The following EDEM3 variants were observed in gnomAD, a reference collection of about 807,000 sequenced individuals.
EDEM3 encodes ER degradation enhancing alpha-mannosidase like protein 3, also known as ER degradation-enhancing alpha-mannosidase-like protein 3.
In EDEM3, 60 loss-of-function variants were observed where a neutral mutation model predicts 110.2. The observed-to-expected ratio is 0.54, with a 90% CI of 0.44 to 0.67. EDEM3 has a LOEUF of 0.67. EDEM3 is among the 30% of genes least tolerant of loss of function. EDEM3 has a pLI of 0.00. For missense variants in EDEM3, 996 were observed against 1,121.0 expected (o/e 0.89, Z 1.59); for synonymous variants, 352 against 382.9 (o/e 0.92, Z 0.94).
At chr1:184,707,532 G>GA (rs1236659634) in intron 17 of EDEM3, among the ~76,000 whole-genome samples, 13 of 152,116 alleles carry the variant, frequency 8.5e-5, no homozygotes, top group Non-Finnish European at 1.8e-4. Context: ...ATATACATGA[G>GA]AAAAAAGTCT....
In EDEM3 at chr1:184,731,537, T is replaced by G. The variant is rs546070838; in HGVS notation, c.612+1300A>C. ...TTTATAATACTGTACACTACACTACTTCACGGTTCTCCTCTTAAATCTCTG... is the reference window on the plus strand; with the variant it reads ...TTTATAATACTGTACACTACACTACGTCACGGTTCTCCTCTTAAATCTCTG... On this transcript the variant is annotated intron_variant, in intron 6 of 19. Coordinates refer to ENST00000318130, the MANE Select transcript of EDEM3 (RefSeq NM_025191.4). 1.3e-4 allele frequency among the ~76,000 whole-genome samples: 20 copies of G among 152,346 alleles called. No individual in the cohort carries two copies. In the South Asian group the frequency reaches 3.5e-3, roughly 27 times the overall value.
intron 13 of EDEM3, among the ~76,000 whole-genome samples, 197 bp downstream of exon 13, chr1:184,716,691 G>C (rs899079065): frequency 6.6e-6 from 1 of 152,080 alleles, no homozygotes; most frequent in African/African-American, 2.4e-5. Flanking sequence ...CTATATGCCA[G>C]GCACTATGAT....
chr1:184,707,191 A>C (rs1211229534), intron 17 of EDEM3, among the ~76,000 whole-genome samples: 14 of 152,224 alleles, frequency 9.2e-5, no homozygotes, highest in Non-Finnish European at 1.5e-5. Flanking sequence ...AGGCAGATTC[A>C]CTACATTTAC....
At chr1:184,726,430 C>A in intron 6 of EDEM3, 41 bp from the exon 7 acceptor site, 1 of 1,585,142 alleles carries the variant, frequency 6.3e-7, no homozygotes, top group Admixed American at 1.8e-5. Context: ...GTTATCAAGA[C>A]AATGACCTTC....
chr1:184,723,436 AC>A (rs1456637758), intron 8 of EDEM3, among the ~76,000 whole-genome samples: 1 of 152,050 alleles, frequency 6.6e-6, no homozygotes, highest in Non-Finnish European at 1.5e-5. Flanking sequence ...CCATATTCTT[AC>A]TAAACCACAC....
chr1:184,754,737 C>T lies in EDEM3; in HGVS notation c.-91G>A. 1 of 1,419,970 alleles carries T rather than the reference C, an allele frequency of 7.0e-7. No individual in the cohort carries two copies. The highest frequency in any genetic ancestry group is 2.8e-5 in the East Asian group (1 of 35,862). The allele number at this position is 1,419,970 out of a possible 1,614,324, so 88.0% of individuals were successfully genotyped here. A position where few individuals can be genotyped will look rare whatever the true frequency, so the allele number is the denominator to read the frequency against. ...GTGGCCAGGGGGCTGCTAGCCGTGC[C>T]GAGACGGGGCGGGATGCGGAGTAAC... On this transcript the variant is annotated 5_prime_UTR_variant, in exon 1 of 20. Coordinates refer to ENST00000318130, the MANE Select transcript of EDEM3 (RefSeq NM_025191.4).
chr1:184,753,549 A>C (rs1652895708), intron 1 of EDEM3, among the ~76,000 whole-genome samples: 1 of 152,018 alleles, frequency 6.6e-6, no homozygotes, highest in African/African-American at 2.4e-5. Flanking sequence ...TTTAAATTTT[A>C]GTAGATACTA....
At chr1:184,721,106 T>G in intron 9 of EDEM3, 183 bp downstream of exon 9, 1 of 500,490 alleles carries the variant, frequency 2.0e-6, no homozygotes, top group Non-Finnish European at 3.5e-6. Flanking sequence ...CTTTATCAAC[T>G]GATTTTTTGG....
In EDEM3 at chr1:184,693,903, T is replaced by G. The variant is rs1281030029; in HGVS notation, c.*160A>C. 5.7e-6 allele frequency: 4 copies of G among 706,802 alleles called. No homozygotes were observed. Among genetic ancestry groups the G allele is most frequent in the Admixed American group, 2.9e-5 (1 of 33,902 alleles). 43.8% of individuals were successfully genotyped at this position (706,802 alleles called of 1,614,324 possible). On this transcript the variant is annotated 3_prime_UTR_variant, in exon 20 of 20. Transcript: ENST00000318130. ...AAACAAGGTCAATTCTAACACAGCA[T>G]GCTCCAGATTCCTACGATAACTACG...
chr1:184,737,726 T>TA lies in EDEM3; in HGVS notation c.205-16_205-15insT. The TA allele has an allele frequency of 6.2e-7, 1 of 1,609,518 alleles. No homozygotes were observed. Among genetic ancestry groups the TA allele is most frequent in the Non-Finnish European group, 8.5e-7 (1 of 1,176,346 alleles). On this transcript the variant is annotated splice_polypyrimidine_tract_variant and intron_variant, in intron 2 of 19. Transcript: ENST00000318130. ...TAAGCATGTTCCTGCAAGGAAAACT[T>TA]TAGTAAGTTACTAAGGAAAATAAGC...
rs888679036 is a variant in EDEM3, at chr1:184,692,554, G to A, written c.*1509C>T. 3.3e-5 allele frequency: 5 copies of A among 151,970 alleles called. No homozygotes were observed. The highest frequency in any genetic ancestry group is 2.0e-4 in the Admixed American group (3 of 15,222). The allele number at this position is 151,970 out of a possible 1,614,324, so 9.4% of individuals were successfully genotyped here. A position where few individuals can be genotyped will look rare whatever the true frequency, so the allele number is the denominator to read the frequency against. On this transcript the variant is annotated 3_prime_UTR_variant, in exon 20 of 20. Coordinates refer to ENST00000318130, the MANE Select transcript of EDEM3 (RefSeq NM_025191.4). ...TAACAGCTCCACTTACACCTCATCA[G>A]TACCTCACAACCGTGTTTTAGGAAA...
chr1:184,743,132 A>G (rs1043294798), intron 2 of EDEM3, among the ~76,000 whole-genome samples: 3 of 152,248 alleles, frequency 2.0e-5, no homozygotes, highest in Non-Finnish European at 4.4e-5. Flanking sequence ...GTTTCAAACC[A>G]GGTGTAAAAA....
chr1:184,754,525 GC>G lies in EDEM3; in HGVS notation c.121del (p.Ala41ProfsTer4). 1 of 1,613,050 alleles carries G rather than the reference GC, an allele frequency of 6.2e-7. No homozygotes were observed. The highest frequency in any genetic ancestry group is 8.5e-7 in the Non-Finnish European group (1 of 1,179,770). On this transcript the variant is annotated frameshift_variant, in exon 1 of 20. Transcript: ENST00000318130. LOFTEE classifies it high-confidence loss of function. ...VSATSVWTAG[A>X]EPMSREEKQK... ...TTTCTCCTCCCTACTCATGGGCTCG[GC>G]CCCCGCCGTCCACACGGAGGTGGCC...
In EDEM3 at chr1:184,754,769, G is replaced by A. The variant is rs1653006706; in HGVS notation, c.-123C>T. 1 of 1,368,034 alleles carries A rather than the reference G, an allele frequency of 7.3e-7. No individual in the cohort carries two copies. Among genetic ancestry groups the A allele is most frequent in the Non-Finnish European group, 9.4e-7 (1 of 1,058,288 alleles). The allele number at this position is 1,368,034 out of a possible 1,614,324, so 84.7% of individuals were successfully genotyped here. On this transcript the variant is annotated 5_prime_UTR_variant, in exon 1 of 20. Transcript: ENST00000318130. ...GGGCGGGATGCGGAGTAACACGGAC[G>A]GCCGCCGGCGCCAAACTGTTTCCCG... is the stretch of plus-strand genomic sequence containing the variant.
intron 2 of EDEM3, among the ~76,000 whole-genome samples, chr1:184,748,434 G>A (rs1425017074): frequency 6.8e-6 from 1 of 147,520 alleles, no homozygotes; most frequent in African/African-American, 2.5e-5. Context: ...GGGCGACAGA[G>A]CACAACTCCG....
intron 4 of EDEM3, among the ~76,000 whole-genome samples, chr1:184,735,603 A>G (rs1168355337): frequency 1.3e-5 from 2 of 152,234 alleles, no homozygotes; most frequent in African/African-American, 2.4e-5. Context: ...TAAAAATTCT[A>G]ATTTATAAAA....
chr1:184,719,233 C>A lies in EDEM3; in HGVS notation c.1090G>T (p.Asp364Tyr). 1 of 1,568,728 alleles carries A rather than the reference C, an allele frequency of 6.4e-7. No homozygotes were observed. The highest frequency in any genetic ancestry group is 8.6e-7 in the Non-Finnish European group (1 of 1,160,990). Residue 364 changes from aspartate (D) to tyrosine (Y), a missense_variant, in exon 11 of 20, where the codon GAT becomes TAT. This residue lies in a region of EDEM3 where 310 missense variants were observed against 394.6 expected (regional missense o/e 0.79). Coordinates refer to ENST00000318130, the MANE Select transcript of EDEM3 (RefSeq NM_025191.4). ...FFPGLQVLKGDIRPAIETHEM... is the reference protein window; with the variant it reads ...FFPGLQVLKGYIRPAIETHEM... ...TGAGTTTCAATAGCAGGTCTAATAT[C>A]CCCCTTTAACACCTAGAAATCAACA...
Position 184,692,494 on chromosome 1 carries a change from G to A in EDEM3, c.*1569C>T, listed in dbSNP as rs986056956. The A allele has an allele frequency of 4.6e-5, 7 of 151,956 alleles. No individual in the cohort carries two copies. Among genetic ancestry groups the A allele is most frequent in the Non-Finnish European group, 7.4e-5 (5 of 67,946 alleles). 9.4% of individuals were successfully genotyped at this position (151,956 alleles called of 1,614,324 possible). ...CCTGGGATCTAAACATACTGTACAC[G>A]AATATACATAACTGCAATACAGCAC... On this transcript the variant is annotated 3_prime_UTR_variant, in exon 20 of 20. Coordinates refer to ENST00000318130, the MANE Select transcript of EDEM3 (RefSeq NM_025191.4).
At chr1:184,720,581 C>A (rs1650844354) in intron 9 of EDEM3, 1 of 147,728 alleles carries the variant, frequency 6.8e-6, no homozygotes, top group Non-Finnish European at 1.5e-5. Flanking sequence ...GCGATCTCGA[C>A]TCACTGCAAG....
Sources: gnomAD v4.1 joint callset for allele counts (sites outside exome capture counted in the v4.1 genomes callset) on GRCh38, gnomAD v4.1.1 for gene constraint, gnomAD v4.1.1 regional missense constraint, MANE v1.5 for transcripts, NCBI Gene and HGNC (gene_info 2026-07-23, HGNC 2026-07-21) for gene names.